The following FBXW12 variants were observed in gnomAD, a reference collection of about 807,000 sequenced individuals.
FBXW12 encodes the protein F-box/WD repeat-containing protein 12.
Under a neutral mutation model 55.3 loss-of-function variants are expected in FBXW12, and 43 were observed. That is an observed-to-expected ratio of 0.78 (90% CI 0.61 to 1.00). The LOEUF (loss-of-function observed/expected upper bound fraction) is 1.00, where lower values mean the gene tolerates loss of function less well. FBXW12 is among the 50% of genes least tolerant of loss of function. The pLI is 0.00. For synonymous variants in FBXW12, 184 were observed against 203.8 expected (o/e 0.90, Z 0.83); for missense variants, 524 against 560.5 (o/e 0.93, Z 0.66).
At chr3:48,388,186 C>T (rs1262486347) in intron 10 of FBXW12, among the ~76,000 whole-genome samples, 3 of 152,164 alleles carry the variant, frequency 2.0e-5, no homozygotes, top group African/African-American at 7.2e-5. Flanking sequence ...TCTGTTTTGT[C>T]ACCCAAGATA....
chr3:48,375,966 C>G (rs888688101), intron 5 of FBXW12, among the ~76,000 whole-genome samples: 1 of 138,528 alleles, frequency 7.2e-6, no homozygotes, highest in Non-Finnish European at 1.5e-5. Flanking sequence ...TGAGCCACTG[C>G]GCCCGGCCTT....
rs776966907 is a variant in FBXW12, at chr3:48,380,685, T to C, written c.775-17T>C. On this transcript the variant is annotated splice_polypyrimidine_tract_variant and intron_variant, in intron 7 of 10. Transcript: ENST00000296438. Reference sequence around the variant, plus strand: ...TAAGTTCCCTGCCCCTGACCATGCATGCGATGCTCTCTTTAGGTATTCCTC... The same window carrying C: ...TAAGTTCCCTGCCCCTGACCATGCACGCGATGCTCTCTTTAGGTATTCCTC... 9.4e-6 allele frequency: 15 copies of C among 1,595,134 alleles called. No homozygotes were observed. Among genetic ancestry groups the C allele is most frequent in the Non-Finnish European group, 1.3e-5 (15 of 1,162,686 alleles).
intron 10 of FBXW12, among the ~76,000 whole-genome samples, chr3:48,389,071 C>T (rs535426995): frequency 6.6e-6 from 1 of 152,188 alleles, no homozygotes; most frequent in South Asian, 2.1e-4. Flanking sequence ...TCTACATCTA[C>T]GAGTCTAATT....
intron 8 of FBXW12, 82 bp downstream of exon 8, chr3:48,380,994 C>G: frequency 1.7e-6 from 2 of 1,187,170 alleles, no homozygotes; most frequent in South Asian, 1.3e-5. Flanking sequence ...AATGGGTCAG[C>G]CTGTATAAAG....
At position 48,380,854 on chromosome 3, in the gene FBXW12, A is replaced by G; in HGVS notation, c.927A>G (p.Thr309=). ...LMSQSSTGKK[T]EFITFDLTTK... is the part of the protein sequence containing the mutation. Reference sequence around the variant, plus strand: ...CCCAAAGTAGCACTGGAAAAAAGACAGAATTTATCACCTTTGATCTAACAA... The same window carrying G: ...CCCAAAGTAGCACTGGAAAAAAGACGGAATTTATCACCTTTGATCTAACAA... Residue 309 remains threonine (T), a synonymous_variant, in exon 8 of 11, where the codon ACA becomes ACG. Coordinates refer to ENST00000296438, the MANE Select transcript of FBXW12 (RefSeq NM_207102.2). 6.2e-7 allele frequency: 1 copy of G among 1,614,178 alleles called. No individual in the cohort carries two copies. Among genetic ancestry groups the G allele is most frequent in the Non-Finnish European group, 8.5e-7 (1 of 1,180,032 alleles).
At chr3:48,386,747 G>A (rs1168033318) in intron 10 of FBXW12, among the ~76,000 whole-genome samples, 10 of 152,230 alleles carry the variant, frequency 6.6e-5, no homozygotes, top group Non-Finnish European at 1.0e-4. Context: ...GCTGTTGTAA[G>A]TGGATTTTCT....
Position 48,378,508 on chromosome 3 carries a change from G to A in FBXW12, c.597G>A (p.Lys199=), listed in dbSNP as rs2036717972. Residue 199 remains lysine, a synonymous_variant, in exon 6 of 11, where the codon AAG becomes AAA. Coordinates refer to ENST00000296438, the MANE Select transcript of FBXW12 (RefSeq NM_207102.2). ...ATTGCATGGAAGCCTATCTTACAAA[G>A]GATGGCCCATTCCTGATGGTAAGTG... ...PCYCMEAYLT[K]DGPFLMVGDA... 1 of 1,613,818 alleles carries A rather than the reference G, an allele frequency of 6.2e-7. No homozygotes were observed. The highest frequency in any genetic ancestry group is 2.2e-5 in the East Asian group (1 of 44,902).
At chr3:48,379,371 T>TG in intron 6 of FBXW12, 29 bp from the exon 7 acceptor site, 2 of 1,608,618 alleles carry the variant, frequency 1.2e-6, no homozygotes, top group Non-Finnish European at 1.7e-6. Context: ...TATCTTCCTA[T>TG]TGATATGGTG....
rs1270260763 is a variant in FBXW12 at position 48,394,681 on chromosome 3, C to T, written c.*22C>T. 3 of 1,263,512 alleles carry T rather than the reference C, an allele frequency of 2.4e-6. No homozygotes were observed. The highest frequency in any genetic ancestry group is 2.3e-6 in the Non-Finnish European group (2 of 877,480). The allele number at this position is 1,263,512 out of a possible 1,614,324, so 78.3% of individuals were successfully genotyped here. A position where few individuals can be genotyped will look rare whatever the true frequency, so the allele number is the denominator to read the frequency against. On this transcript the variant is annotated 3_prime_UTR_variant, in exon 11 of 11. Coordinates refer to ENST00000296438, the MANE Select transcript of FBXW12 (RefSeq NM_207102.2). ...GTAATATGGAAACTAACAAAATTGA[C>T]CTTGCATCATCTTCTGCAATGTAGT...
Position 48,372,240 on chromosome 3 carries a change from G to T in FBXW12, c.-165G>T. 4 of 1,551,156 alleles carry T rather than the reference G, an allele frequency of 2.6e-6. No homozygotes were observed. Among genetic ancestry groups the T allele is most frequent in the Non-Finnish European group, 3.5e-6 (4 of 1,146,418 alleles). ...CACGTTCTTTCTCCTCCACTGCAAA[G>T]TTAAATGCGAGAAGGTAGAAACCCA... On this transcript the variant is annotated 5_prime_UTR_variant, in exon 1 of 11. Coordinates refer to ENST00000296438, the MANE Select transcript of FBXW12 (RefSeq NM_207102.2).
chr3:48,378,097 C>T (rs1035477637), intron 5 of FBXW12, among the ~76,000 whole-genome samples: 1 of 152,020 alleles, frequency 6.6e-6, no homozygotes, highest in African/African-American at 2.4e-5. Flanking sequence ...TCATTCTTTG[C>T]GCCTGTTATG....
intron 10 of FBXW12, 138 bp from the exon 11 acceptor site, chr3:48,394,422 C>T (rs1465456874): frequency 3.4e-6 from 2 of 591,514 alleles, no homozygotes; most frequent in African/African-American, 3.9e-5. Flanking sequence ...TGTAGTTATT[C>T]AAAACCAAAT....
At chr3:48,375,308 C>T (rs1415098972) in intron 4 of FBXW12, 46 bp from the exon 5 acceptor site, 2 of 1,095,896 alleles carry the variant, frequency 1.8e-6, no homozygotes, top group African/African-American at 3.1e-5. Flanking sequence ...TGGTTTGGAT[C>T]ATCCCTTAAC....
intron 10 of FBXW12, among the ~76,000 whole-genome samples, chr3:48,383,547 T>A (rs2036807491): frequency 6.6e-6 from 1 of 152,224 alleles, no homozygotes; most frequent in African/African-American, 2.4e-5. Context: ...CTTTCTATTC[T>A]CTTCACAGTG....
chr3:48,381,184 G>A lies in FBXW12; in HGVS notation c.985+272G>A, dbSNP rs545077979. 8.5e-5 allele frequency among the ~76,000 whole-genome samples: 13 copies of A among 152,112 alleles called. No homozygotes were observed. In the Middle Eastern group the frequency reaches 0.017, roughly 199 times the overall value. On this transcript the variant is annotated intron_variant, in intron 8 of 10. Transcript: ENST00000296438. The stretch of plus-strand genomic sequence containing the variant: ...ACTACAGGTGCCCGCCACCATACCC[G>A]GCTAATTTTTTGTATTTTTAGTAGA...
At chr3:48,375,974 C>CTT (rs34834484) in intron 5 of FBXW12, among the ~76,000 whole-genome samples, 2,880 of 40,700 alleles carry the variant, frequency 0.071, 893 homozygotes, top group Middle Eastern at 0.15. Context: ...TGCGCCCGGC[C>CTT]TTTTTTTTTT....
At chr3:48,393,158 G>T (rs557324622) in intron 10 of FBXW12, among the ~76,000 whole-genome samples, 34 of 152,010 alleles carry the variant, frequency 2.2e-4, no homozygotes, top group Non-Finnish European at 4.1e-4. Flanking sequence ...ACTATGCTCA[G>T]CTAATTTTTG....
rs1430860200 is a variant in FBXW12, at chr3:48,372,222, T to C, written c.-183T>C. The C allele has an allele frequency of 6.5e-7, 1 of 1,542,022 alleles. No individual in the cohort carries two copies. Among genetic ancestry groups the C allele is most frequent in the Non-Finnish European group, 8.8e-7 (1 of 1,138,238 alleles). On this transcript the variant is annotated 5_prime_UTR_variant, in exon 1 of 11. Transcript: ENST00000296438. Reference sequence around the variant, plus strand: ...GTGGAGAAGCCAGCTTGGCACGTTCTTTCTCCTCCACTGCAAAGTTAAATG... The same window carrying C: ...GTGGAGAAGCCAGCTTGGCACGTTCCTTCTCCTCCACTGCAAAGTTAAATG...
intron 10 of FBXW12, among the ~76,000 whole-genome samples, chr3:48,384,286 G>A (rs536150183): frequency 5.9e-4 from 90 of 152,032 alleles, no homozygotes; most frequent in African/African-American, 2.0e-3. Flanking sequence ...TAAATATTTC[G>A]TGGTTTTGGT....
Sources: gnomAD v4.1 joint callset for allele counts (sites outside exome capture counted in the v4.1 genomes callset) on GRCh38, gnomAD v4.1.1 for gene constraint, MANE v1.5 for transcripts, NCBI Gene and HGNC (gene_info 2026-07-23, HGNC 2026-07-21) for gene names.